The following KALRN variants were observed in gnomAD, a reference collection of about 807,000 sequenced individuals.
KALRN encodes kalirin.
Under a neutral mutation model 353.7 loss-of-function variants are expected in KALRN, and 70 were observed. The observed-to-expected ratio is 0.20, with a 90% CI of 0.16 to 0.24. The LOEUF (loss-of-function observed/expected upper bound fraction) is 0.24, where lower values mean the gene tolerates loss of function less well. KALRN is among the 10% of genes least tolerant of loss of function. KALRN has a pLI of 1.00. For missense variants in KALRN, 2,791 were observed against 3,756.7 expected (o/e 0.74, Z 6.72); for synonymous variants, 1,391 against 1,434.8 (o/e 0.97, Z 0.69).
At chr3:124,412,998 G>A (rs2092285586) in intron 13 of KALRN, among the ~76,000 whole-genome samples, 1 of 152,056 alleles carries the variant, frequency 6.6e-6, no homozygotes, top group African/African-American at 2.4e-5. Flanking sequence ...CTTTAGTTAT[G>A]AAAATTGTAA....
At chr3:124,420,243 C>T (rs2092716324) in intron 14 of KALRN, among the ~76,000 whole-genome samples, 1 of 152,224 alleles carries the variant, frequency 6.6e-6, no homozygotes, top group African/African-American at 2.4e-5. Flanking sequence ...ATGTCCTAAG[C>T]AGGTGACTGT....
intron 33 of KALRN, among the ~76,000 whole-genome samples, chr3:124,514,479 A>G (rs79531672): frequency 0.11 from 16,440 of 152,262 alleles, 1,073 homozygotes; most frequent in Non-Finnish European, 0.15. Flanking sequence ...TTAAGCAACT[A>G]ACAGTAACCA....
At chr3:124,499,496 G>A (rs1203498322) in intron 33 of KALRN, among the ~76,000 whole-genome samples, 1 of 152,220 alleles carries the variant, frequency 6.6e-6, no homozygotes, top group Non-Finnish European at 1.5e-5. Context: ...GAATAAGACT[G>A]CACAATTATT....
At chr3:124,134,845 A>C (rs2065741173) in intron 1 of KALRN, among the ~76,000 whole-genome samples, 1 of 152,218 alleles carries the variant, frequency 6.6e-6, no homozygotes, top group Non-Finnish European at 1.5e-5. Context: ...TACTCCTGCA[A>C]GAATGGCCAT....
chr3:124,686,798 A>ATTTTTT (rs10599336), intron 51 of KALRN, among the ~76,000 whole-genome samples: 12 of 70,830 alleles, frequency 1.7e-4, no homozygotes, highest in Non-Finnish European at 2.7e-4. Flanking sequence ...CACTGGTGAG[A>ATTTTTT]TTTTTTTTTT....
chr3:124,299,057 T>C (rs2077064836), intron 6 of KALRN, 144 bp downstream of exon 6: 2 of 1,089,244 alleles, frequency 1.8e-6, no homozygotes, highest in East Asian at 2.5e-5. Flanking sequence ...GGAATGGGGA[T>C]GAGTGCAGGG....
intron 57 of KALRN, 54 bp from the exon 58 acceptor site, chr3:124,712,881 A>G: frequency 7.6e-7 from 1 of 1,319,098 alleles, no homozygotes; most frequent in Non-Finnish European, 1.1e-6. Context: ...CCATGAATAA[A>G]ATATATCTAG....
intron 11 of KALRN, among the ~76,000 whole-genome samples, 163 bp from the exon 12 acceptor site, chr3:124,394,972 G>T (rs1299750565): frequency 6.6e-6 from 1 of 152,080 alleles, no homozygotes; most frequent in Non-Finnish European, 1.5e-5. Context: ...GACTGGTGAT[G>T]AATATAAATG....
chr3:124,435,056 C>G (rs1017759305), intron 17 of KALRN, among the ~76,000 whole-genome samples: 9 of 152,212 alleles, frequency 5.9e-5, no homozygotes, highest in Non-Finnish European at 1.0e-4. Context: ...AGTCCAAAAT[C>G]TACCATACAA....
At chr3:124,318,156 G>C (rs1324953582) in intron 6 of KALRN, among the ~76,000 whole-genome samples, 1 of 152,202 alleles carries the variant, frequency 6.6e-6, no homozygotes, top group Non-Finnish European at 1.5e-5. Context: ...CAGGCCAGAG[G>C]GACAGGACTC....
At chr3:124,694,541 T>C in intron 53 of KALRN, 38 bp downstream of exon 53, 1 of 1,594,994 alleles carries the variant, frequency 6.3e-7, no homozygotes, top group Non-Finnish European at 8.6e-7. Flanking sequence ...CAGCAGCCCC[T>C]TGCTTGACAC....
At chr3:124,485,268 T>C (rs1175020557) in intron 28 of KALRN, among the ~76,000 whole-genome samples, 2 of 152,314 alleles carry the variant, frequency 1.3e-5, no homozygotes, top group African/African-American at 4.8e-5. Context: ...GACAAACCAA[T>C]GCTGACTCAA....
intron 7 of KALRN, among the ~76,000 whole-genome samples, chr3:124,328,159 A>G (rs750941617): frequency 1.3e-5 from 2 of 152,336 alleles, no homozygotes; most frequent in South Asian, 2.1e-4. Context: ...TACTTGTGTC[A>G]AGCACAACCC....
intron 57 of KALRN, among the ~76,000 whole-genome samples, chr3:124,712,560 G>A (rs903444808): frequency 1.3e-5 from 2 of 149,568 alleles, no homozygotes; most frequent in South Asian, 2.1e-4. Flanking sequence ...TTGGGAGGCC[G>A]AAGCAAGAGG....
intron 33 of KALRN, chr3:124,505,047 G>A: frequency 2.1e-6 from 1 of 467,762 alleles, no homozygotes; most frequent in South Asian, 1.6e-5. Context: ...GGAGCCTGCA[G>A]GTAGAGAAGT....
At chr3:124,119,927 A>T (rs931642187) in intron 1 of KALRN, among the ~76,000 whole-genome samples, 1 of 152,100 alleles carries the variant, frequency 6.6e-6, no homozygotes, top group East Asian at 1.9e-4. Flanking sequence ...CTGCTTGGGT[A>T]TGCTTTACCA....
intron 8 of KALRN, among the ~76,000 whole-genome samples, chr3:124,331,627 G>A (rs1192446741): frequency 3.3e-5 from 4 of 120,536 alleles, no homozygotes; most frequent in Non-Finnish European, 6.8e-5. Context: ...ATGGCTCAAA[G>A]CTTTCTGTCT....
intron 3 of KALRN, among the ~76,000 whole-genome samples, chr3:124,243,674 G>A (rs1413955259): frequency 1.3e-5 from 2 of 151,192 alleles, no homozygotes; most frequent in Non-Finnish European, 2.9e-5. Flanking sequence ...AAATTATGTA[G>A]GGTATTCCAG....
chr3:124,057,861 T>A (rs184354993), intron 1 of KALRN, among the ~76,000 whole-genome samples: 1 of 152,322 alleles, frequency 6.6e-6, no homozygotes, highest in Non-Finnish European at 1.5e-5. Flanking sequence ...TCAAACTACC[T>A]GGATACATTA....
Sources: allele counts gnomAD v4.1 joint callset (sites outside exome capture counted in the v4.1 genomes callset), GRCh38; gene constraint gnomAD v4.1.1; transcripts MANE v1.5; gene names NCBI Gene and HGNC (gene_info 2026-07-23, HGNC 2026-07-21).